Variants in PCCA observed in about 807,000 individuals in gnomAD.
The protein encoded by PCCA is propionyl-CoA carboxylase alpha chain, mitochondrial.
A neutral mutation model predicts 101.3 loss-of-function variants in PCCA; 74 were observed. The observed-to-expected ratio is 0.73, with a 90% confidence interval of 0.61 to 0.89. The LOEUF (loss-of-function observed/expected upper bound fraction) is 0.89. PCCA is among the 40% of genes least tolerant of loss of function. The pLI is 0.00. For missense variants in PCCA, 891 were observed against 907.0 expected (o/e 0.98, Z 0.23); for synonymous variants, 294 against 313.6 (o/e 0.94, Z 0.66).
At chr13:100,260,202 C>T (rs1365558768) in intron 9 of PCCA, among the ~76,000 whole-genome samples, 3 of 152,068 alleles carry the variant, frequency 2.0e-5, no homozygotes, top group African/African-American at 7.2e-5. Context: ...CTAAGATTCC[C>T]CTAAATCAAC....
intron 19 of PCCA, among the ~76,000 whole-genome samples, chr13:100,374,708 C>G (rs1346673281): frequency 6.6e-6 from 1 of 152,120 alleles, no homozygotes. Flanking sequence ...AAAAGGAGCA[C>G]TATACATGCA....
chr13:100,241,492 A>G (rs1213870351), intron 8 of PCCA, among the ~76,000 whole-genome samples: 1 of 151,798 alleles, frequency 6.6e-6, no homozygotes, highest in Non-Finnish European at 1.5e-5. Context: ...TTTTTTTGAG[A>G]TAGGGTCTCG....
rs565827345 is a variant in PCCA at position 100,493,219 on chromosome 13, G to A, written c.1900-22208G>A. On this transcript the variant is annotated intron_variant, in intron 21 of 23. Coordinates refer to ENST00000376285, the MANE Select transcript of PCCA (RefSeq NM_000282.4). ...TCCCTCCCATAAGGGGTTTGAGCAC[G>A]TGTCGGCCAAGCAAACGAGCTTCAC... Among the ~76,000 whole-genome samples, 8 of 152,338 alleles carry A rather than the reference G, an allele frequency of 5.3e-5. No homozygotes were observed. In the South Asian group the frequency reaches 1.7e-3, roughly 32 times the overall value.
At chr13:100,147,272 T>C (rs1458951184) in intron 4 of PCCA, among the ~76,000 whole-genome samples, 1 of 152,196 alleles carries the variant, frequency 6.6e-6, no homozygotes, top group Non-Finnish European at 1.5e-5. Flanking sequence ...CTTTTTTTCT[T>C]TTTAACCAAA....
intron 21 of PCCA, among the ~76,000 whole-genome samples, chr13:100,496,133 G>GA (rs2085260963): frequency 6.6e-6 from 1 of 152,188 alleles, no homozygotes; most frequent in Non-Finnish European, 1.5e-5. Context: ...CCACAATTAG[G>GA]AAACTGACAT....
In PCCA at chr13:100,417,900, C is replaced by T. The variant is rs1419564305; in HGVS notation, c.1747-7733C>T. On this transcript the variant is annotated intron_variant, in intron 19 of 23. Coordinates refer to ENST00000376285, the MANE Select transcript of PCCA (RefSeq NM_000282.4). ...CCTTGTGTCATTCAGGACGACTGCT[C>T]CGCTCTTTCTTGTAAGCCCTTTCTT... Among the ~76,000 whole-genome samples, 4 of 152,138 alleles carry T rather than the reference C, an allele frequency of 2.6e-5. No homozygotes were observed. The East Asian group carries it at 5.8e-4, about 22-fold the overall frequency.
intron 7 of PCCA, among the ~76,000 whole-genome samples, chr13:100,221,439 T>C (rs1017976628): frequency 6.6e-6 from 1 of 152,180 alleles, no homozygotes; most frequent in African/African-American, 2.4e-5. Context: ...TTGGTTTTGC[T>C]TGTTCAACAG....
At chr13:100,454,248 T>C (rs1176294510) in intron 21 of PCCA, among the ~76,000 whole-genome samples, 5 of 152,188 alleles carry the variant, frequency 3.3e-5, no homozygotes, top group Non-Finnish European at 4.4e-5. Flanking sequence ...GCCAATGAGT[T>C]CTAAAGGGGC....
intron 17 of PCCA, among the ~76,000 whole-genome samples, chr13:100,332,800 T>C (rs1258400945): frequency 6.6e-6 from 1 of 152,216 alleles, no homozygotes; most frequent in Non-Finnish European, 1.5e-5. Context: ...CACAATTTTG[T>C]TTTTTATGCT....
At chr13:100,207,252 T>C (rs1201708004) in intron 6 of PCCA, among the ~76,000 whole-genome samples, 1 of 152,226 alleles carries the variant, frequency 6.6e-6, no homozygotes. Flanking sequence ...ATGGGTGCTT[T>C]AGACTCAGGG....
intron 16 of PCCA, among the ~76,000 whole-genome samples, chr13:100,327,706 A>G (rs968070185): frequency 3.9e-5 from 6 of 152,218 alleles, no homozygotes; most frequent in African/African-American, 7.2e-5. Flanking sequence ...TTCTTGTTCC[A>G]TATCCTGACT....
chr13:100,127,740 AAGTT>A (rs1193439280), intron 4 of PCCA, among the ~76,000 whole-genome samples: 1 of 150,980 alleles, frequency 6.6e-6, no homozygotes, highest in Non-Finnish European at 1.5e-5. Flanking sequence ...AAAATACAAA[AAGTT>A]AGCCGGGCGT....
chr13:100,182,098 C>CTTTTTTTTT (rs558498604), intron 6 of PCCA, among the ~76,000 whole-genome samples: 3 of 105,468 alleles, frequency 2.8e-5, no homozygotes, highest in Admixed American at 1.0e-4. Context: ...TTTTCTTTTT[C>CTTTTTTTTT]TTTTTTTTTT....
At chr13:100,404,374 C>T (rs2077546514) in intron 19 of PCCA, among the ~76,000 whole-genome samples, 1 of 152,128 alleles carries the variant, frequency 6.6e-6, no homozygotes, top group African/African-American at 2.4e-5. Flanking sequence ...TTAACTCTTT[C>T]CAGCTTGGAG....
intron 21 of PCCA, among the ~76,000 whole-genome samples, chr13:100,513,659 G>A (rs1881415931): frequency 6.6e-6 from 1 of 152,216 alleles, no homozygotes; most frequent in African/African-American, 2.4e-5. Context: ...GTGGGGAAAT[G>A]TGGTAAATCA....
chr13:100,480,890 A>C (rs2083853916), intron 21 of PCCA: 1 of 152,298 alleles, frequency 6.6e-6, no homozygotes, highest in African/African-American at 2.4e-5. Flanking sequence ...TGTACTGTAC[A>C]GTAGCCCCCC....
chr13:100,529,972 G>A lies in PCCA; in HGVS notation c.2119-126G>A, dbSNP rs1203549762. The A allele has an allele frequency of 6.6e-6, 5 of 760,750 alleles. No individual in the cohort carries two copies. In the East Asian group the frequency reaches 1.1e-4, roughly 16 times the overall value. The allele number at this position is 760,750 out of a possible 1,614,324, so 47.1% of individuals were successfully genotyped here. On this transcript the variant is annotated intron_variant, in intron 23 of 23. Coordinates refer to ENST00000376285, the MANE Select transcript of PCCA (RefSeq NM_000282.4). ...CGATGGGCTCCGGTGGGGTGGGGTGGCTTGTCCCTGTGCTGCTGAGCTTGC... is the reference window on the plus strand; with the variant it reads ...CGATGGGCTCCGGTGGGGTGGGGTGACTTGTCCCTGTGCTGCTGAGCTTGC...
intron 4 of PCCA, among the ~76,000 whole-genome samples, chr13:100,148,540 TTC>T (rs150017838): frequency 0.011 from 1,743 of 152,200 alleles, 14 homozygotes; most frequent in Non-Finnish European, 0.017. Flanking sequence ...GATGTCTCCT[TTC>T]TCTCTGTCAT....
intron 20 of PCCA, among the ~76,000 whole-genome samples, chr13:100,431,262 A>T (rs866507674): frequency 6.6e-6 from 1 of 152,148 alleles, no homozygotes; most frequent in African/African-American, 2.4e-5. Flanking sequence ...ATATCTGCTC[A>T]TGACTTTTGC....
Sources: allele counts gnomAD v4.1 joint callset (sites outside exome capture counted in the v4.1 genomes callset), GRCh38; gene constraint gnomAD v4.1.1; transcripts MANE v1.5; gene names NCBI Gene and HGNC (gene_info 2026-07-23, HGNC 2026-07-21).